The following WDR17 variants were observed in gnomAD, a reference collection of about 807,000 sequenced individuals.
WDR17 encodes the protein WD repeat domain 17.
In WDR17, 143 loss-of-function variants were observed where a neutral mutation model predicts 161.7. The ratio of observed to expected loss-of-function variants is 0.88; its 90% confidence interval spans 0.77 to 1.02. The LOEUF (loss-of-function observed/expected upper bound fraction) is 1.02, where lower values mean the gene tolerates loss of function less well. Ranked by LOEUF, WDR17 falls within the 50% of genes least tolerant of loss-of-function variation. The pLI, the probability that WDR17 is intolerant of heterozygous loss-of-function variation, is 0.00. For synonymous variants in WDR17, 517 were observed against 515.6 expected, an observed-to-expected ratio of 1.00 and a Z score of -0.04; for missense variants, 1,469 against 1,520.9, an observed-to-expected ratio of 0.97 and a Z score of 0.57.
At chr4:176,068,446 A>G (rs1163664970) in intron 1 of WDR17, 6 of 152,066 alleles carry the variant, frequency 3.9e-5, no homozygotes, top group Non-Finnish European at 7.3e-5. Context: ...CTAATAATAC[A>G]AAAATTAGCT....
intron 1 of WDR17, among the ~76,000 whole-genome samples, chr4:176,090,735 G>A (rs1736017739): frequency 6.6e-6 from 1 of 152,114 alleles, no homozygotes; most frequent in Non-Finnish European, 1.5e-5. Context: ...GGGAAATTAG[G>A]AGTCTCACAG....
At chr4:176,153,675 G>T (rs778134309) in intron 17 of WDR17, among the ~76,000 whole-genome samples, 75 of 152,136 alleles carry the variant, frequency 4.9e-4, no homozygotes, top group Admixed American at 7.9e-4. Flanking sequence ...TAGCTACAAA[G>T]CATGATATTT....
chr4:176,103,725 A>G (rs186020307), intron 1 of WDR17, among the ~76,000 whole-genome samples: 21 of 152,208 alleles, frequency 1.4e-4, no homozygotes, highest in Non-Finnish European at 2.2e-4. Flanking sequence ...AGTCTGAGGA[A>G]CAGAAAGAAA....
At chr4:176,104,394 G>A (rs535258410) in intron 1 of WDR17, among the ~76,000 whole-genome samples, 40 of 152,012 alleles carry the variant, frequency 2.6e-4, no homozygotes, top group African/African-American at 9.4e-4. Flanking sequence ...CAATGCTATT[G>A]TTTGTTTTCA....
intron 3 of WDR17, among the ~76,000 whole-genome samples, chr4:176,118,288 C>G (rs1740962172): frequency 6.6e-6 from 1 of 152,142 alleles, no homozygotes; most frequent in African/African-American, 2.4e-5. Flanking sequence ...CTGTCTTTCT[C>G]TAAATATACA....
chr4:176,100,968 A>G (rs1290523607), intron 1 of WDR17, among the ~76,000 whole-genome samples: 3 of 152,064 alleles, frequency 2.0e-5, no homozygotes, highest in Non-Finnish European at 2.9e-5. Context: ...TACCAGTACC[A>G]TGCTATTTTG....
At chr4:176,093,525 GTTAT>G (rs1736410261) in intron 1 of WDR17, among the ~76,000 whole-genome samples, 1 of 151,488 alleles carries the variant, frequency 6.6e-6, no homozygotes. Flanking sequence ...TTTTATTTTT[GTTAT>G]TTATTTCTAT....
At chr4:176,110,531 A>T (rs555208486) in intron 1 of WDR17, among the ~76,000 whole-genome samples, 11 of 152,258 alleles carry the variant, frequency 7.2e-5, no homozygotes, top group African/African-American at 2.4e-4. Context: ...TTCTTTTTGA[A>T]TGTCATTTAT....
At chr4:176,158,866 C>T (rs1366702449) in intron 18 of WDR17, among the ~76,000 whole-genome samples, 2 of 152,180 alleles carry the variant, frequency 1.3e-5, no homozygotes, top group Non-Finnish European at 1.5e-5. Context: ...ATAGATCCAG[C>T]CATTCATCCA....
rs1751955505 is a variant in WDR17, at chr4:176,179,682, G to A, written c.*103G>A. 7.4e-6 allele frequency: 9 copies of A among 1,212,012 alleles called. No homozygotes were observed. The South Asian group carries it at 2.3e-4, about 31-fold the overall frequency. The allele number at this position is 1,212,012 out of a possible 1,614,324, so 75.1% of individuals were successfully genotyped here. ...GCTCAAGTGCCAGAGGTTGGGAGAA[G>A]GATTGCAGGTTGGGAGAGGTGGGAA... On this transcript the variant is annotated 3_prime_UTR_variant, in exon 29 of 29. Coordinates refer to ENST00000508596, the MANE Select transcript of WDR17 (RefSeq NM_181265.4).
chr4:176,125,470 A>G (rs1742310156), intron 5 of WDR17, 115 bp downstream of exon 5: 3 of 1,247,680 alleles, frequency 2.4e-6, no homozygotes, highest in Non-Finnish European at 2.2e-6. Context: ...TAGCTCAATT[A>G]TTATTTATTG....
At chr4:176,169,790 G>A (rs1008352300) in intron 23 of WDR17, among the ~76,000 whole-genome samples, 7 of 152,188 alleles carry the variant, frequency 4.6e-5, no homozygotes, top group African/African-American at 1.4e-4. Flanking sequence ...GTGTTGAGAC[G>A]CGGAAAATAC....
intron 26 of WDR17, among the ~76,000 whole-genome samples, 166 bp downstream of exon 26, chr4:176,174,884 T>C (rs1055331080): frequency 1.3e-5 from 2 of 152,194 alleles, no homozygotes; most frequent in African/African-American, 4.8e-5. Context: ...AGGGATGCAT[T>C]GGGCTGTAAA....
At chr4:176,117,371 A>T (rs1249064655) in intron 3 of WDR17, among the ~76,000 whole-genome samples, 1 of 152,048 alleles carries the variant, frequency 6.6e-6, no homozygotes, top group Non-Finnish European at 1.5e-5. Flanking sequence ...AATTTTAAAT[A>T]ACACAACAAA....
chr4:176,175,648 C>A (rs1751333854), intron 26 of WDR17, among the ~76,000 whole-genome samples: 1 of 151,596 alleles, frequency 6.6e-6, no homozygotes, highest in Non-Finnish European at 1.5e-5. Flanking sequence ...ACCTCCGCCT[C>A]CCAAGTTCAC....
At chr4:176,153,257 C>T (rs1298889986) in intron 17 of WDR17, among the ~76,000 whole-genome samples, 9 of 152,234 alleles carry the variant, frequency 5.9e-5, no homozygotes, top group African/African-American at 2.2e-4. Context: ...CAGTAGAATC[C>T]GCTTGCTAAT....
At chr4:176,162,329 C>T (rs1359580530) in intron 21 of WDR17, among the ~76,000 whole-genome samples, 155 bp downstream of exon 21, 1 of 152,186 alleles carries the variant, frequency 6.6e-6, no homozygotes, top group African/African-American at 2.4e-5. Flanking sequence ...AATTAGCACA[C>T]ATAAACTATG....
rs747853477 is a variant in WDR17 at position 176,161,074 on chromosome 4, A to G, written c.2750+72A>G. On this transcript the variant is annotated intron_variant, in intron 20 of 28. Coordinates refer to ENST00000508596, the MANE Select transcript of WDR17 (RefSeq NM_181265.4). ...CCCTTTAGGAATTTTTGAAGTCTCT[A>G]TAATTCATCCTTCTTTGTATACTGA... is the stretch of plus-strand genomic sequence containing the variant. The G allele has an allele frequency of 2.3e-5, 30 of 1,279,318 alleles. 1 individual carries two copies. Among genetic ancestry groups the G allele is most frequent in the African/African-American group, 1.2e-4 (8 of 67,518 alleles). 79.2% of individuals were successfully genotyped at this position (1,279,318 alleles called of 1,614,324 possible).
intron 1 of WDR17, among the ~76,000 whole-genome samples, chr4:176,107,081 C>T (rs932684626): frequency 2.6e-5 from 4 of 152,060 alleles, no homozygotes; most frequent in African/African-American, 9.7e-5. Flanking sequence ...TCCTAAAACT[C>T]AACAATTACA....
Sources: gnomAD v4.1 joint callset for allele counts (sites outside exome capture counted in the v4.1 genomes callset) on GRCh38, gnomAD v4.1.1 for gene constraint, MANE v1.5 for transcripts, NCBI Gene and HGNC (gene_info 2026-07-23, HGNC 2026-07-21) for gene names.